The following LHCGR variants were observed in gnomAD, a reference collection of about 807,000 sequenced individuals.
The protein encoded by LHCGR is lutropin-choriogonadotropic hormone receptor.
LHCGR carries 55 observed loss-of-function variants against 60.7 expected under a neutral mutation model. That is an observed-to-expected ratio of 0.91 (90% confidence interval 0.73 to 1.13). The LOEUF is 1.13. LHCGR is among the 50% of genes most tolerant of loss of function. The pLI is 0.00. For synonymous variants in LHCGR, 337 were observed against 316.5 expected (o/e 1.06, Z -0.69); for missense variants, 862 against 836.0 (o/e 1.03, Z -0.38).
At position 48,755,530 on chromosome 2, in the gene LHCGR, T is replaced by G; in HGVS notation, c.142A>C (p.Thr48Pro). ...PDGALRCPGPTAGLTRLSLAY... is the reference protein window; with the variant it reads ...PDGALRCPGPPAGLTRLSLAY... ...ACTCACAGTCGAGTGAGACCGGCCG[T>G]GGGGCCGGGGCAGCGCAGGGCGCCG... The change falls in exon 1 of 11, where the codon ACG (threonine) becomes CCG (proline). Residue 48 changes from threonine (T) to proline (P), a missense_variant. By Grantham distance (38) the Thr-to-Pro change is conservative. Transcript: ENST00000294954. The G allele has an allele frequency of 2.6e-6, 4 of 1,541,272 alleles. No individual in the cohort carries two copies. The highest frequency in any genetic ancestry group is 3.5e-6 in the Non-Finnish European group (4 of 1,143,784).
intron 7 of LHCGR, among the ~76,000 whole-genome samples, chr2:48,710,209 C>G (rs892265884): frequency 1.3e-5 from 2 of 152,202 alleles, no homozygotes; most frequent in Admixed American, 1.3e-4. Context: ...AATCTCACAT[C>G]GTCCCATCCC....
At chr2:48,730,211 A>T (rs1478780388) in intron 2 of LHCGR, among the ~76,000 whole-genome samples, 1 of 152,228 alleles carries the variant, frequency 6.6e-6, no homozygotes, top group African/African-American at 2.4e-5. Flanking sequence ...GGAATGGATT[A>T]TTCTTGGCTG....
At chr2:48,716,732 T>C (rs2104438184) in intron 6 of LHCGR, among the ~76,000 whole-genome samples, 1 of 152,330 alleles carries the variant, frequency 6.6e-6, no homozygotes, top group Admixed American at 6.5e-5. Context: ...CAGTCTCCTG[T>C]CATTTTAGGG....
intron 10 of LHCGR, among the ~76,000 whole-genome samples, chr2:48,692,515 GC>G (rs1486162109): frequency 6.6e-6 from 1 of 152,170 alleles, no homozygotes; most frequent in East Asian, 1.9e-4. Flanking sequence ...GCTCCTGAGG[GC>G]AGCATCATGC....
chr2:48,723,596 T>C (rs1292614553), intron 5 of LHCGR, 26 bp downstream of exon 5: 2 of 1,606,000 alleles, frequency 1.2e-6, no homozygotes, highest in Admixed American at 1.7e-5. Context: ...GAAACTGTTA[T>C]GCATAGCAAT....
intron 9 of LHCGR, among the ~76,000 whole-genome samples, chr2:48,696,048 C>T (rs1212093239): frequency 1.3e-5 from 2 of 151,432 alleles, no homozygotes; most frequent in African/African-American, 4.8e-5. Context: ...CAGAGGAGGT[C>T]TACAGAAAAA....
chr2:48,704,626 AT>A (rs1288192371), intron 8 of LHCGR, among the ~76,000 whole-genome samples: 2 of 152,116 alleles, frequency 1.3e-5, no homozygotes, highest in Non-Finnish European at 2.9e-5. Flanking sequence ...GGGAGGGTGT[AT>A]GTGTCCAGGA....
rs1364461052 is a variant in LHCGR, at chr2:48,755,716, CCT to C, written c.-47_-46del. On this transcript the variant is annotated 5_prime_UTR_variant, in exon 1 of 11. Transcript: ENST00000294954. The stretch of plus-strand genomic sequence containing the variant: ...TGCGGCTTGCCAGTGTCTTGGACGG[CCT>C]CTGAGTGCGGCCCGCACCCCTCTCC... 2 of 1,532,814 alleles carry C rather than the reference CCT, an allele frequency of 1.3e-6. No homozygotes were observed. Among genetic ancestry groups the C allele is most frequent in the South Asian group, 2.4e-5 (2 of 83,682 alleles). The allele number at this position is 1,532,814 out of a possible 1,614,324, so 95.0% of individuals were successfully genotyped here. A position where few individuals can be genotyped will look rare whatever the true frequency, so the allele number is the denominator to read the frequency against.
chr2:48,736,823 A>G (rs879086455), intron 1 of LHCGR, among the ~76,000 whole-genome samples: 2 of 152,218 alleles, frequency 1.3e-5, no homozygotes, highest in Admixed American at 1.3e-4. Flanking sequence ...TCTTTGTTCT[A>G]TAGATGGATT....
chr2:48,754,428 A>G (rs1057453084), intron 1 of LHCGR, among the ~76,000 whole-genome samples: 1 of 151,102 alleles, frequency 6.6e-6, no homozygotes, highest in African/African-American at 2.4e-5. Context: ...CCTTTTAGAT[A>G]CTCTTGTCTT....
At chr2:48,745,055 C>T (rs1224157666) in intron 1 of LHCGR, among the ~76,000 whole-genome samples, 1 of 152,242 alleles carries the variant, frequency 6.6e-6, no homozygotes, top group African/African-American at 2.4e-5. Flanking sequence ...AGACACTTCT[C>T]AAAAGAAGAC....
intron 8 of LHCGR, among the ~76,000 whole-genome samples, chr2:48,707,845 G>A (rs561093138): frequency 6.6e-6 from 1 of 152,338 alleles, no homozygotes; most frequent in Non-Finnish European, 1.5e-5. Flanking sequence ...GCACGGGAGG[G>A]AATCTCCTGG....
chr2:48,738,842 T>A (rs7582814), intron 1 of LHCGR, among the ~76,000 whole-genome samples: 1 of 152,074 alleles, frequency 6.6e-6, no homozygotes, highest in Non-Finnish European at 1.5e-5. Flanking sequence ...TAGACTAAAT[T>A]AAATGTTTTA....
intron 10 of LHCGR, 59 bp downstream of exon 10, chr2:48,694,162 GATA>G: frequency 2.1e-6 from 2 of 971,050 alleles, no homozygotes; most frequent in East Asian, 5.1e-5. Context: ...AATTGATGCT[GATA>G]ATAAGGTGCA....
chr2:48,722,173 G>T (rs909397975), intron 6 of LHCGR, among the ~76,000 whole-genome samples: 1 of 152,096 alleles, frequency 6.6e-6, no homozygotes, highest in Admixed American at 6.6e-5. Context: ...TGCTGCCCAG[G>T]ATGCTGCTTC....
chr2:48,728,572 C>G (rs989818765), intron 3 of LHCGR, among the ~76,000 whole-genome samples: 3 of 152,146 alleles, frequency 2.0e-5, no homozygotes, highest in African/African-American at 7.2e-5. Flanking sequence ...GCCACAGATT[C>G]ATCACTTGAA....
At chr2:48,725,410 C>T (rs1298153567) in intron 4 of LHCGR, among the ~76,000 whole-genome samples, 1 of 152,270 alleles carries the variant, frequency 6.6e-6, no homozygotes, top group Non-Finnish European at 1.5e-5. Flanking sequence ...CATTGTCAAC[C>T]TTGAAAATCA....
intron 1 of LHCGR, among the ~76,000 whole-genome samples, chr2:48,737,746 G>A (rs895107610): frequency 4.6e-5 from 7 of 152,164 alleles, no homozygotes; most frequent in African/African-American, 1.7e-4. Context: ...GAAAACTTTG[G>A]AACAGTCTTT....
rs1669080922 is a variant in LHCGR, at chr2:48,733,146, A to C, written c.162-1848T>G. ...TGCAGCATCAATAAAACTGACAGCC[A>C]AATTCTGATTCCAGAATCTTTATTG... On this transcript the variant is annotated intron_variant, in intron 1 of 10. Coordinates refer to ENST00000294954, the MANE Select transcript of LHCGR (RefSeq NM_000233.4). 5 of 352,422 alleles carry C rather than the reference A, an allele frequency of 1.4e-5. No individual in the cohort carries two copies. In the Admixed American group the frequency reaches 1.9e-4, roughly 14 times the overall value. The allele number at this position is 352,422 out of a possible 1,614,324, so 21.8% of individuals were successfully genotyped here.
Sources: allele counts gnomAD v4.1 joint callset (sites outside exome capture counted in the v4.1 genomes callset), GRCh38; gene constraint gnomAD v4.1.1; transcripts MANE v1.5; gene names NCBI Gene and HGNC (gene_info 2026-07-23, HGNC 2026-07-21).